Variants in NFX1 observed in about 807,000 individuals in gnomAD.
NFX1 encodes transcriptional repressor NF-X1.
Under a neutral mutation model 137.2 loss-of-function variants are expected in NFX1, and 69 were observed. That is an observed-to-expected ratio of 0.50 (90% CI 0.41 to 0.61). The LOEUF (loss-of-function observed/expected upper bound fraction) is 0.61, where lower values mean the gene tolerates loss of function less well. Ranked by LOEUF, NFX1 falls within the 20% of genes least tolerant of loss-of-function variation. The probability of loss-of-function intolerance (pLI) is 0.00; values close to 1 mark genes in which losing one functional copy is unlikely to be tolerated. For synonymous variants in NFX1, 495 were observed against 474.1 expected (o/e 1.04, Z -0.57); for missense variants, 1,167 against 1,391.0 (o/e 0.84, Z 2.56).
intron 2 of NFX1, among the ~76,000 whole-genome samples, chr9:33,299,722 C>G (rs1298206244): frequency 1.3e-5 from 2 of 152,154 alleles, no homozygotes; most frequent in Non-Finnish European, 2.9e-5. Context: ...CTAAATATCA[C>G]TCATTTATTC....
intron 19 of NFX1, among the ~76,000 whole-genome samples, chr9:33,361,434 T>TG (rs946794665): frequency 1.4e-4 from 21 of 152,016 alleles, no homozygotes; most frequent in South Asian, 4.1e-4. Flanking sequence ...TTCTTATTTT[T>TG]GGGGGGGTGA....
intron 12 of NFX1, 124 bp from the exon 13 acceptor site, chr9:33,342,622 G>A (rs1823269233): frequency 1.4e-6 from 1 of 703,362 alleles, no homozygotes; most frequent in Non-Finnish European, 2.3e-6. Flanking sequence ...CTATTTTGAA[G>A]GTATTTCCAG....
intron 2 of NFX1, among the ~76,000 whole-genome samples, chr9:33,299,502 GAGGT>G (rs1291040345): frequency 6.6e-6 from 1 of 152,094 alleles, no homozygotes; most frequent in Non-Finnish European, 1.5e-5. Flanking sequence ...CTGGGCAACA[GAGGT>G]AGACCCCATC....
At chr9:33,321,494 AGAGTTCTACT>A (rs370087497) in intron 9 of NFX1, among the ~76,000 whole-genome samples, 10,554 of 152,260 alleles carry the variant, frequency 0.069, 459 homozygotes, top group Non-Finnish European at 0.11. Context: ...GAGACTGGAT[AGAGTTCTACT>A]TTAAAGATGG....
chr9:33,338,058 AAAAG>A (rs1053782605), intron 11 of NFX1, among the ~76,000 whole-genome samples: 3 of 151,376 alleles, frequency 2.0e-5, no homozygotes, highest in African/African-American at 4.9e-5. Context: ...CAGAAAAAAA[AAAAG>A]AAAGCAAAAA....
At chr9:33,362,695 T>TG (rs1824035652) in intron 19 of NFX1, among the ~76,000 whole-genome samples, 2 of 117,726 alleles carry the variant, frequency 1.7e-5, no homozygotes, top group Non-Finnish European at 3.2e-5. Context: ...TCCTGTGGTT[T>TG]TTTTTTTTTT....
chr9:33,362,623 A>G (rs831264), intron 19 of NFX1, among the ~76,000 whole-genome samples: 52,809 of 150,700 alleles, frequency 0.35, 11,788 homozygotes, highest in African/African-American at 0.64. Context: ...AGGGTGGAAA[A>G]GGGAGGTTGA....
chr9:33,301,658 T>C (rs1821571820), intron 3 of NFX1, among the ~76,000 whole-genome samples: 1 of 152,232 alleles, frequency 6.6e-6, no homozygotes, highest in Admixed American at 6.5e-5. Context: ...GTCACTCTTA[T>C]TGAAAATGAT....
At chr9:33,337,917 C>T (rs754929752) in intron 11 of NFX1, among the ~76,000 whole-genome samples, 6 of 151,884 alleles carry the variant, frequency 4.0e-5, no homozygotes, top group Non-Finnish European at 7.4e-5. Flanking sequence ...GGCGTGGTGG[C>T]GCACACCTGT....
chr9:33,354,125 G>A lies in NFX1; in HGVS notation c.2769G>A (p.Met923Ile). 1 of 1,613,158 alleles carries A rather than the reference G, an allele frequency of 6.2e-7. No homozygotes were observed. The highest frequency in any genetic ancestry group is 8.5e-7 in the Non-Finnish European group (1 of 1,179,642). ...CCATGGCCTCTAAGATAACAGACAT[G>A]CAGCTTGGAGGTTCAGTGGAGATCA... Reference protein sequence around the residue: ...AISMASKITDMQLGGSVEISK... With the variant: ...AISMASKITDIQLGGSVEISK... The change falls in exon 18 of 24, where the codon ATG becomes ATA. Residue 923 changes from methionine to isoleucine, a missense_variant. Met to Ile is a conservative substitution (Grantham distance 10, BLOSUM62 1). Coordinates refer to ENST00000379540, the MANE Select transcript of NFX1 (RefSeq NM_002504.6).
intron 16 of NFX1, chr9:33,352,375 GTACAAACTTCATCC>G: frequency 1.8e-6 from 1 of 566,168 alleles, no homozygotes; most frequent in Non-Finnish European, 3.3e-6. Context: ...GTCTCTGATG[GTACAAACTTCATCC>G]TAGGCCTGCC....
At chr9:33,368,236 C>CA (rs36049764) in intron 23 of NFX1, among the ~76,000 whole-genome samples, 2,297 of 146,880 alleles carry the variant, frequency 0.016, 34 homozygotes, top group East Asian at 0.055. Context: ...GACTCCATCT[C>CA]AAAAAAAAAA....
chr9:33,294,667 T>C lies in NFX1; in HGVS notation c.273T>C (p.Pro91=). The change falls in exon 2 of 24, where the codon CCT becomes CCC. Residue 91 remains proline (P), a synonymous_variant. Transcript: ENST00000379540. ...AGCAGACGTCTTTCCAGTCCTCTCCTTGTAATAAATCGCCCAAGAGCCATG... is the reference window on the plus strand; with the variant it reads ...AGCAGACGTCTTTCCAGTCCTCTCCCTGTAATAAATCGCCCAAGAGCCATG... ...KSQQTSFQSS[P]CNKSPKSHGL... is the part of the protein sequence containing the mutation. The C allele has an allele frequency of 6.2e-7, 1 of 1,614,214 alleles. No homozygotes were observed. The highest frequency in any genetic ancestry group is 8.5e-7 in the Non-Finnish European group (1 of 1,180,046).
At chr9:33,323,840 G>A (rs1822478080) in intron 9 of NFX1, among the ~76,000 whole-genome samples, 1 of 152,104 alleles carries the variant, frequency 6.6e-6, no homozygotes. Flanking sequence ...AAAGAAAGAT[G>A]TGAAGATGAT....
At chr9:33,350,577 T>G (rs10971476) in intron 15 of NFX1, among the ~76,000 whole-genome samples, 7,090 of 152,340 alleles carry the variant, frequency 0.047, 486 homozygotes, top group African/African-American at 0.15. Context: ...TGCAAATCCT[T>G]TTGAGTCATA....
chr9:33,345,351 C>T (rs903370514), intron 14 of NFX1, among the ~76,000 whole-genome samples: 2 of 151,468 alleles, frequency 1.3e-5, no homozygotes, highest in Non-Finnish European at 2.9e-5. Context: ...GTGGTGGACG[C>T]CTGTAATCCC....
At chr9:33,335,334 A>G (rs886547437) in intron 11 of NFX1, among the ~76,000 whole-genome samples, 1 of 149,016 alleles carries the variant, frequency 6.7e-6, no homozygotes, top group African/African-American at 2.5e-5. Flanking sequence ...GGGCTCAAGC[A>G]ATTCTCCTGT....
chr9:33,295,750 A>G (rs1009445516), intron 2 of NFX1, among the ~76,000 whole-genome samples: 2 of 152,150 alleles, frequency 1.3e-5, no homozygotes, highest in African/African-American at 2.4e-5. Flanking sequence ...TTGAGTTGTG[A>G]AAACAAGTGG....
At chr9:33,339,540 C>G (rs1215534696) in intron 12 of NFX1, among the ~76,000 whole-genome samples, 1 of 152,160 alleles carries the variant, frequency 6.6e-6, no homozygotes, top group African/African-American at 2.4e-5. Flanking sequence ...CTGCCCCTGG[C>G]CCCTCCCAAA....
Sources: allele counts gnomAD v4.1 joint callset (sites outside exome capture counted in the v4.1 genomes callset), GRCh38; gene constraint gnomAD v4.1.1; transcripts MANE v1.5; gene names NCBI Gene and HGNC (gene_info 2026-07-23, HGNC 2026-07-21).